The following SMYD3 variants were observed in gnomAD, a reference collection of about 807,000 sequenced individuals.
The protein encoded by SMYD3 is histone-lysine N-methyltransferase SMYD3.
SMYD3 carries 36 observed loss-of-function variants against 57.7 expected under a neutral mutation model. That is an observed-to-expected ratio of 0.62 (90% CI 0.48 to 0.82). SMYD3 has a LOEUF of 0.82. SMYD3 is among the 40% of genes least tolerant of loss of function. SMYD3 has a pLI of 0.00. For missense variants in SMYD3, 515 were observed against 538.8 expected (o/e 0.96, Z 0.44); for synonymous variants, 211 against 195.0 (o/e 1.08, Z -0.68).
chr1:246,023,987 T>C (rs975382956), intron 5 of SMYD3, among the ~76,000 whole-genome samples: 3 of 152,088 alleles, frequency 2.0e-5, no homozygotes, highest in Non-Finnish European at 4.4e-5. Context: ...AAAATTATTA[T>C]ATGACTATCA....
chr1:246,463,626 G>C (rs1270959091), intron 1 of SMYD3, among the ~76,000 whole-genome samples: 11 of 130,918 alleles, frequency 8.4e-5, no homozygotes, highest in African/African-American at 3.1e-4. Flanking sequence ...GACCATCGTG[G>C]CTAACACGGT....
At chr1:245,978,831 C>T (rs576497094) in intron 5 of SMYD3, among the ~76,000 whole-genome samples, 9 of 152,194 alleles carry the variant, frequency 5.9e-5, no homozygotes, top group East Asian at 1.9e-4. Flanking sequence ...TCCAACACTA[C>T]GAAGGCAAAT....
At position 246,355,783 on chromosome 1, in the gene SMYD3, C is replaced by A. The variant is rs922750295; in HGVS notation, c.165-689G>T. On this transcript the variant is annotated intron_variant, in intron 1 of 11. Coordinates refer to ENST00000490107, the MANE Select transcript of SMYD3 (RefSeq NM_001167740.2). This position sits in a 1 kb window ranked among gnomAD's most constrained non-coding sequence, Gnocchi z 5.0. The stretch of plus-strand genomic sequence containing the variant: ...ACCACATCCCCATCCCAACAGCAGC[C>A]GCAGCAATCCCCAGCCAAGGAGAAT... Among the ~76,000 whole-genome samples, 6 of 152,204 alleles carry A rather than the reference C, an allele frequency of 3.9e-5. No individual in the cohort carries two copies. Among genetic ancestry groups the A allele is most frequent in the Middle Eastern group, 3.4e-3 (1 of 294 alleles).
chr1:246,148,141 TTGTGGTG>T (rs1558268519), intron 5 of SMYD3, among the ~76,000 whole-genome samples: 4 of 152,118 alleles, frequency 2.6e-5, no homozygotes, highest in Admixed American at 2.0e-4. Flanking sequence ...GAGTGGGGAC[TTGTGGTG>T]CCTCGTCTGG....
chr1:246,290,161 A>C (rs2064660184), intron 5 of SMYD3, among the ~76,000 whole-genome samples: 2 of 152,204 alleles, frequency 1.3e-5, no homozygotes, highest in African/African-American at 4.8e-5. Flanking sequence ...ACTGGGGAAG[A>C]CCTGAGAGTT....
At chr1:246,334,830 G>A (rs1435926307) in intron 3 of SMYD3, among the ~76,000 whole-genome samples, 3 of 152,166 alleles carry the variant, frequency 2.0e-5, no homozygotes, top group South Asian at 2.1e-4. Context: ...AAAAGATGAG[G>A]AGTTGCTTCT....
At chr1:246,162,720 T>A (rs1299736754) in intron 5 of SMYD3, among the ~76,000 whole-genome samples, 2 of 152,162 alleles carry the variant, frequency 1.3e-5, no homozygotes, top group African/African-American at 4.8e-5. Flanking sequence ...AATGTGAGGG[T>A]TACTCAGAGG....
chr1:245,983,031 T>C (rs1215768641), intron 5 of SMYD3, among the ~76,000 whole-genome samples: 1 of 152,170 alleles, frequency 6.6e-6, no homozygotes, highest in East Asian at 1.9e-4. Flanking sequence ...AATCTACCCT[T>C]CCATAGCAAG....
intron 7 of SMYD3, among the ~76,000 whole-genome samples, chr1:245,921,744 A>G (rs1380505145): frequency 6.6e-6 from 1 of 152,152 alleles, no homozygotes; most frequent in South Asian, 2.1e-4. Flanking sequence ...TAGAGAATCT[A>G]TCGAACCAAA....
chr1:245,842,076 T>C (rs912641381), intron 10 of SMYD3, among the ~76,000 whole-genome samples: 1 of 152,206 alleles, frequency 6.6e-6, no homozygotes, highest in African/African-American at 2.4e-5. Context: ...GAGCACCATA[T>C]AGTCTAGTTG....
chr1:246,021,598 T>C (rs1349805306), intron 5 of SMYD3, among the ~76,000 whole-genome samples: 1 of 152,170 alleles, frequency 6.6e-6, no homozygotes, highest in Non-Finnish European at 1.5e-5. Flanking sequence ...GTCCAGGAAA[T>C]GCTTCTTGGA....
rs557106355 is a variant in SMYD3, at chr1:245,968,759, C to T, written c.532-38822G>A. ...GTGTGGACTGTAGACACAAACCACG[C>T]GTTTCCCATATTCCATTTAATAATT... On this transcript the variant is annotated intron_variant, in intron 5 of 11. Transcript: ENST00000490107. Among the ~76,000 whole-genome samples, 14 of 152,230 alleles carry T rather than the reference C, an allele frequency of 9.2e-5. No individual in the cohort carries two copies. The South Asian group carries it at 1.7e-3, about 18-fold the overall frequency.
chr1:245,858,962 T>G (rs920313177), intron 9 of SMYD3, among the ~76,000 whole-genome samples: 2 of 152,244 alleles, frequency 1.3e-5, no homozygotes, highest in Non-Finnish European at 2.9e-5. Flanking sequence ...TGTGTTCTCT[T>G]TAAATCTAGT....
At chr1:246,420,893 TTGTC>T (rs2067133936) in intron 1 of SMYD3, among the ~76,000 whole-genome samples, 1 of 152,212 alleles carries the variant, frequency 6.6e-6, no homozygotes, top group Non-Finnish European at 1.5e-5. Context: ...ACCTTTTTCT[TTGTC>T]TGGGTGCTGA....
intron 5 of SMYD3, among the ~76,000 whole-genome samples, chr1:246,024,262 T>G (rs1304526274): frequency 6.6e-6 from 1 of 152,244 alleles, no homozygotes; most frequent in Non-Finnish European, 1.5e-5. Context: ...AACCTCATTC[T>G]GCCTGAACAA....
intron 10 of SMYD3, among the ~76,000 whole-genome samples, chr1:245,780,403 G>C (rs1040004500): frequency 6.6e-6 from 1 of 152,142 alleles, no homozygotes; most frequent in African/African-American, 2.4e-5. Flanking sequence ...ATTATGCTAA[G>C]TAAAAGAAGC....
At chr1:246,036,539 C>CTTT (rs59062672) in intron 5 of SMYD3, among the ~76,000 whole-genome samples, 3,661 of 144,804 alleles carry the variant, frequency 0.025, 45 homozygotes, top group South Asian at 0.038. Flanking sequence ...TTCTTTCTCT[C>CTTT]TTTTTTTTTT....
chr1:245,755,630 T>C (rs1366762441), intron 11 of SMYD3, among the ~76,000 whole-genome samples: 2 of 152,238 alleles, frequency 1.3e-5, no homozygotes, highest in Non-Finnish European at 2.9e-5. Context: ...TTTTTCATTA[T>C]ACAATGTCCC....
intron 1 of SMYD3, among the ~76,000 whole-genome samples, chr1:246,498,816 A>C (rs947375109): frequency 6.6e-6 from 1 of 151,576 alleles, no homozygotes; most frequent in African/African-American, 2.4e-5. Context: ...CTACGGTCTG[A>C]ATGCTTATAC....
Sources: allele counts gnomAD v4.1 joint callset (sites outside exome capture counted in the v4.1 genomes callset), GRCh38; gene constraint gnomAD v4.1.1; non-coding constraint Gnocchi (gnomAD v3.1); transcripts MANE v1.5; gene names NCBI Gene and HGNC (gene_info 2026-07-23, HGNC 2026-07-21).